The following PPP4R3B variants were observed in gnomAD, a reference collection of about 807,000 sequenced individuals.
PPP4R3B encodes the protein protein phosphatase 4 regulatory subunit 3B.
PPP4R3B carries 52 observed loss-of-function variants against 95.4 expected under a neutral mutation model. The ratio of observed to expected loss-of-function variants is 0.54; its 90% CI spans 0.44 to 0.69. The LOEUF (loss-of-function observed/expected upper bound fraction) is 0.69. Ranked by LOEUF, PPP4R3B falls within the 30% of genes least tolerant of loss-of-function variation. The pLI is 0.00. For missense variants in PPP4R3B, 1,003 were observed against 1,005.9 expected, an observed-to-expected ratio of 1.00 and a Z score of 0.04; for synonymous variants, 407 against 343.9, an observed-to-expected ratio of 1.18 and a Z score of -2.03.
intron 2 of PPP4R3B, among the ~76,000 whole-genome samples, chr2:55,611,119 C>A (rs867178498): frequency 4.9e-4 from 74 of 152,070 alleles, no homozygotes; most frequent in African/African-American, 1.8e-3. Context: ...GCCTCAGCCT[C>A]CCAAAGTGTT....
intron 2 of PPP4R3B, among the ~76,000 whole-genome samples, chr2:55,612,386 T>C (rs1393465423): frequency 3.9e-5 from 6 of 152,222 alleles, no homozygotes; most frequent in African/African-American, 7.2e-5. Flanking sequence ...AAAATGTTAC[T>C]GTATTTGGAA....
At chr2:55,576,031 T>A (rs1975484) in intron 11 of PPP4R3B, among the ~76,000 whole-genome samples, 67,592 of 152,016 alleles carry the variant, frequency 0.44, 15,909 homozygotes, top group Non-Finnish European at 0.52. Context: ...CAGCCAAAAT[T>A]TGAACTAGTC....
intron 15 of PPP4R3B, among the ~76,000 whole-genome samples, chr2:55,563,992 G>C (rs1175906189): frequency 2.0e-5 from 3 of 151,724 alleles, no homozygotes; most frequent in African/African-American, 7.2e-5. Flanking sequence ...GAAGCTATAT[G>C]GTCTCTGTTA....
intron 11 of PPP4R3B, among the ~76,000 whole-genome samples, chr2:55,575,843 C>CAA (rs1417083092): frequency 2.0e-5 from 3 of 152,136 alleles, no homozygotes; most frequent in Non-Finnish European, 4.4e-5. Flanking sequence ...AGATTATATA[C>CAA]ATAAATATTT....
At chr2:55,568,439 A>G in intron 12 of PPP4R3B, 76 bp from the exon 13 acceptor site, 1 of 1,226,178 alleles carries the variant, frequency 8.2e-7, no homozygotes, top group Non-Finnish European at 1.1e-6. Flanking sequence ...TTTCCACCAT[A>G]AAGCAATGTA....
At chr2:55,574,226 T>A (rs572120107) in intron 11 of PPP4R3B, among the ~76,000 whole-genome samples, 4 of 151,746 alleles carry the variant, frequency 2.6e-5, no homozygotes, top group African/African-American at 9.7e-5. Flanking sequence ...TTTAAAAGGC[T>A]GTAGATTTTT....
At chr2:55,556,480 G>A (rs866272067) in intron 16 of PPP4R3B, among the ~76,000 whole-genome samples, 1 of 152,246 alleles carries the variant, frequency 6.6e-6, no homozygotes, top group Middle Eastern at 3.4e-3. Flanking sequence ...AAGGTATGCA[G>A]TATTGACATA....
chr2:55,568,915 G>C (rs568062252), intron 12 of PPP4R3B, among the ~76,000 whole-genome samples: 157 of 152,230 alleles, frequency 1.0e-3, no homozygotes, highest in African/African-American at 3.7e-3. Context: ...TAAAGTGTGG[G>C]CAGCAAGCCA....
intron 16 of PPP4R3B, among the ~76,000 whole-genome samples, chr2:55,555,347 CTT>C (rs1016891658): frequency 6.7e-6 from 1 of 150,166 alleles, no homozygotes; most frequent in African/African-American, 2.4e-5. Flanking sequence ...TCTTGGCACT[CTT>C]ATTAAAATCT....
In PPP4R3B at chr2:55,561,472, C is replaced by A. The variant is rs571958313; in HGVS notation, c.2261-2504G>T. Among the ~76,000 whole-genome samples the A allele has an allele frequency of 2.4e-4, 36 of 152,320 alleles. 1 individual carries two copies. The highest frequency in any genetic ancestry group is 7.9e-4 in the African/African-American group (33 of 41,574). Reference sequence around the variant, plus strand: ...GGCCACCATCCTCCAGACCCCAGAACAGTAGATCTACCAACAGCTTGCACC... The same window carrying A: ...GGCCACCATCCTCCAGACCCCAGAAAAGTAGATCTACCAACAGCTTGCACC... On this transcript the variant is annotated intron_variant, in intron 15 of 16. Coordinates refer to ENST00000616407, the MANE Select transcript of PPP4R3B (RefSeq NM_001122964.3).
intron 10 of PPP4R3B, among the ~76,000 whole-genome samples, 160 bp downstream of exon 10, chr2:55,578,087 A>G (rs1470754921): frequency 1.3e-5 from 2 of 152,166 alleles, no homozygotes; most frequent in African/African-American, 4.8e-5. Context: ...ATCAATACGA[A>G]TAGATCTCAA....
At chr2:55,589,970 T>C (rs6744213) in intron 4 of PPP4R3B, among the ~76,000 whole-genome samples, 67,893 of 141,984 alleles carry the variant, frequency 0.48, 17,386 homozygotes, top group Non-Finnish European at 0.57. Context: ...TATATATATT[T>C]ATATATATAT....
intron 8 of PPP4R3B, among the ~76,000 whole-genome samples, chr2:55,580,786 T>C (rs879463373): frequency 7.2e-5 from 11 of 152,110 alleles, no homozygotes; most frequent in Non-Finnish European, 1.6e-4. Context: ...TAAAGAAAAA[T>C]ATCCCTCCAT....
chr2:55,578,396 G>A (rs2104183558), intron 9 of PPP4R3B, 54 bp from the exon 10 acceptor site: 2 of 1,254,670 alleles, frequency 1.6e-6, no homozygotes, highest in Middle Eastern at 2.6e-4. Context: ...GAGTATATGA[G>A]TGTCTGTTAT....
Position 55,598,342 on chromosome 2 carries a change from T to C in PPP4R3B, c.921+74A>G, listed in dbSNP as rs370471292. 100 of 1,460,232 alleles carry C rather than the reference T, an allele frequency of 6.8e-5. No homozygotes were observed. The African/African-American group carries it at 8.9e-4, about 13-fold the overall frequency. The allele number at this position is 1,460,232 out of a possible 1,614,324, so 90.5% of individuals were successfully genotyped here. On this transcript the variant is annotated intron_variant, in intron 4 of 16. Transcript: ENST00000616407. ...TAAATCTTTCAAAAAATAGAGGGTA[T>C]AAACACCTGCTTGAACTATTAAGGG...
intron 15 of PPP4R3B, among the ~76,000 whole-genome samples, chr2:55,562,730 A>G (rs1423604376): frequency 2.0e-5 from 3 of 152,220 alleles, no homozygotes; most frequent in Non-Finnish European, 4.4e-5. Context: ...CTTACGGATC[A>G]TAACAAAATT....
At chr2:55,597,600 C>A (rs1000356777) in intron 4 of PPP4R3B, among the ~76,000 whole-genome samples, 1 of 149,996 alleles carries the variant, frequency 6.7e-6, no homozygotes, top group African/African-American at 2.5e-5. Flanking sequence ...TCAGCCTGGG[C>A]GACCGAGCAA....
intron 16 of PPP4R3B, among the ~76,000 whole-genome samples, chr2:55,550,774 G>A (rs908280715): frequency 6.6e-6 from 1 of 152,072 alleles, no homozygotes; most frequent in Non-Finnish European, 1.5e-5. Context: ...AAATACAACT[G>A]AAGTAACTCA....
intron 2 of PPP4R3B, among the ~76,000 whole-genome samples, chr2:55,605,231 A>G (rs185186104): frequency 6.6e-6 from 1 of 152,276 alleles, no homozygotes; most frequent in Non-Finnish European, 1.5e-5. Flanking sequence ...CGTGGCTAAA[A>G]CTTTGATTTT....
Sources: allele counts gnomAD v4.1 joint callset (sites outside exome capture counted in the v4.1 genomes callset), GRCh38; gene constraint gnomAD v4.1.1; transcripts MANE v1.5; gene names NCBI Gene and HGNC (gene_info 2026-07-23, HGNC 2026-07-21).